The following MYBL2 variants were observed in gnomAD, a reference collection of about 807,000 sequenced individuals.
MYBL2 encodes the protein myb-related protein B.
MYBL2 carries 28 observed loss-of-function variants against 79.9 expected under a neutral mutation model. The observed-to-expected ratio is 0.35, with a 90% CI of 0.26 to 0.48. MYBL2 has a LOEUF of 0.48. MYBL2 is among the 20% of genes least tolerant of loss of function. The pLI, the probability that MYBL2 is intolerant of heterozygous loss-of-function variation, is 0.99. For missense variants in MYBL2, 735 were observed against 893.9 expected (o/e 0.82, Z 2.27); for synonymous variants, 378 against 361.2 (o/e 1.05, Z -0.53).
rs2070235 is a variant in MYBL2, at chr20:43,702,817, A to G, written c.1279A>G (p.Ser427Gly). The G allele has an allele frequency of 0.095, 153,866 of 1,613,968 alleles. 9,204 individuals are homozygous for G. Among genetic ancestry groups the G allele is most frequent in the African/African-American group, 0.28 (20,671 of 74,968 alleles). Residue 427 changes from serine (S) to glycine (G), a missense_variant, in exon 8 of 14, where the codon AGC becomes GGC. By Grantham distance (56) the Ser-to-Gly change is moderately conservative. Around this residue, in one of 5 missense-constraint regions of MYBL2, gnomAD observed 243 missense variants for 327.2 expected, o/e 0.74. Transcript: ENST00000217026. ...RVALSPVTEN[S>G]TSLSFLDSCN... ...GGCTCTGTCCCCTGTCACTGAGAAT[A>G]GCACCAGTCTGTCCTTCCTGGATTC...
At chr20:43,683,315 C>T (rs1987186222) in intron 4 of MYBL2, among the ~76,000 whole-genome samples, 2 of 152,106 alleles carry the variant, frequency 1.3e-5, no homozygotes, top group South Asian at 2.1e-4. Flanking sequence ...TTCTTTTGAT[C>T]GCCACAGCAG....
intron 5 of MYBL2, among the ~76,000 whole-genome samples, chr20:43,690,102 G>A (rs1030082933): frequency 1.3e-5 from 2 of 152,282 alleles, no homozygotes; most frequent in Non-Finnish European, 1.5e-5. Flanking sequence ...GTATGCATGC[G>A]AGGTATGTAC....
rs763947994 is a variant in MYBL2, at chr20:43,716,068, G to A, written c.2084G>A (p.Arg695Gln). The change falls in exon 14 of 14, where the codon CGG becomes CAG. Residue 695 changes from arginine (R) to glutamine (Q), a missense_variant. Coordinates refer to ENST00000217026, the MANE Select transcript of MYBL2 (RefSeq NM_002466.4). ...CGCCTGAAGCCCAGCCACACATCTC[G>A]GACCCTCATCTTGTCCTGAGGTGTT... is the stretch of plus-strand genomic sequence containing the variant. Reference protein sequence around the residue: ...LGRLKPSHTSRTLILS With the variant: ...LGRLKPSHTSQTLILS 8.1e-6 allele frequency: 13 copies of A among 1,608,450 alleles called. No homozygotes were observed. Among genetic ancestry groups the A allele is most frequent in the African/African-American group, 2.7e-5 (2 of 74,846 alleles).
intron 13 of MYBL2, among the ~76,000 whole-genome samples, chr20:43,715,493 T>C (rs1404515877): frequency 6.6e-6 from 1 of 152,230 alleles, no homozygotes; most frequent in Admixed American, 6.5e-5. Flanking sequence ...CAATGCTGCT[T>C]CCTTAGGGGT....
At chr20:43,689,590 G>A (rs1987357843) in intron 5 of MYBL2, among the ~76,000 whole-genome samples, 1 of 152,126 alleles carries the variant, frequency 6.6e-6, no homozygotes, top group Non-Finnish European at 1.5e-5. Context: ...TCTCAGTGGG[G>A]GTGCTATTTC....
At chr20:43,713,276 GTC>G (rs1447384825) in intron 12 of MYBL2, among the ~76,000 whole-genome samples, 170 bp downstream of exon 12, 1 of 152,110 alleles carries the variant, frequency 6.6e-6, no homozygotes, top group Non-Finnish European at 1.5e-5. Context: ...AGCTCTGCTT[GTC>G]TCTCACAGAA....
chr20:43,683,340 C>T (rs1273277511), intron 4 of MYBL2, among the ~76,000 whole-genome samples: 1 of 152,044 alleles, frequency 6.6e-6, no homozygotes, highest in Non-Finnish European at 1.5e-5. Context: ...GTGAGGTGGG[C>T]AGAAGTTGTT....
chr20:43,710,057 C>T lies in MYBL2; in HGVS notation c.1600C>T (p.Pro534Ser). 2 of 1,601,864 alleles carry T rather than the reference C, an allele frequency of 1.2e-6. No individual in the cohort carries two copies. The highest frequency in any genetic ancestry group is 1.7e-6 in the Non-Finnish European group (2 of 1,173,734). ...CCTGGAGAAGTACGGACCCCTGAAGCCCCTGGTACGTGGTGTGGTCGCTGC... is the reference window on the plus strand; with the variant it reads ...CCTGGAGAAGTACGGACCCCTGAAGTCCCTGGTACGTGGTGTGGTCGCTGC... ...NALEKYGPLK[P>S]LPQTPHLEED... The change falls in exon 10 of 14, where the codon CCC (proline) becomes TCC (serine). Residue 534 changes from proline (P) to serine (S), a missense_variant. Around this residue, in one of 5 missense-constraint regions of MYBL2, gnomAD observed 243 missense variants for 327.2 expected, o/e 0.74. Transcript: ENST00000217026.
At chr20:43,670,374 C>T (rs891883207) in intron 1 of MYBL2, among the ~76,000 whole-genome samples, 5 of 152,168 alleles carry the variant, frequency 3.3e-5, no homozygotes, top group Admixed American at 1.3e-4. Flanking sequence ...GGAATGAATT[C>T]CAGATCCTTC....
At chr20:43,711,138 C>A (rs1032481034) in intron 10 of MYBL2, among the ~76,000 whole-genome samples, 1 of 152,072 alleles carries the variant, frequency 6.6e-6, no homozygotes, top group East Asian at 1.9e-4. Context: ...TTTGAGCTGT[C>A]GGGGTCCTAA....
intron 1 of MYBL2, among the ~76,000 whole-genome samples, chr20:43,670,547 C>T (rs1986831588): frequency 6.6e-6 from 1 of 152,092 alleles, no homozygotes; most frequent in Non-Finnish European, 1.5e-5. Flanking sequence ...TTCAGTCAGT[C>T]CCTGGGCAAA....
intron 2 of MYBL2, among the ~76,000 whole-genome samples, chr20:43,678,385 A>G (rs1987066836): frequency 1.3e-5 from 2 of 152,006 alleles, no homozygotes; most frequent in South Asian, 4.1e-4. Flanking sequence ...AGGGCCTTGA[A>G]TGTTGGGCTT....
intron 1 of MYBL2, among the ~76,000 whole-genome samples, chr20:43,669,697 C>T (rs886331160): frequency 8.5e-5 from 13 of 152,174 alleles, no homozygotes; most frequent in South Asian, 6.2e-4. Flanking sequence ...CAGGTGGCCT[C>T]ACCCCTCTGA....
chr20:43,706,636 G>C (rs1257362613), intron 9 of MYBL2, among the ~76,000 whole-genome samples: 1 of 150,666 alleles, frequency 6.6e-6, no homozygotes, highest in Non-Finnish European at 1.5e-5. Context: ...GGAGGCCAAG[G>C]TGGGAGGATC....
At chr20:43,699,637 T>G in intron 6 of MYBL2, 120 bp from the exon 7 acceptor site, 1 of 1,045,802 alleles carries the variant, frequency 9.6e-7, no homozygotes, top group Non-Finnish European at 1.4e-6. Flanking sequence ...CTGTAGAATG[T>G]TTCTCTATTT....
At chr20:43,700,728 T>G (rs1987659507) in intron 7 of MYBL2, among the ~76,000 whole-genome samples, 2 of 152,200 alleles carry the variant, frequency 1.3e-5, no homozygotes, top group African/African-American at 4.8e-5. Context: ...TGCCAGGGTC[T>G]GAGCTTAACA....
chr20:43,688,690 C>A (rs775818829), intron 5 of MYBL2, among the ~76,000 whole-genome samples: 1 of 152,002 alleles, frequency 6.6e-6, no homozygotes, highest in Non-Finnish European at 1.5e-5. Context: ...CCTATGTTGC[C>A]CAGGCTGGTC....
At chr20:43,676,051 C>A (rs552234745) in intron 2 of MYBL2, among the ~76,000 whole-genome samples, 1 of 151,714 alleles carries the variant, frequency 6.6e-6, no homozygotes, top group Non-Finnish European at 1.5e-5. Context: ...ATTACAGGCA[C>A]GTGCCACCAC....
At chr20:43,706,333 G>A (rs192079437) in intron 9 of MYBL2, among the ~76,000 whole-genome samples, 6 of 152,284 alleles carry the variant, frequency 3.9e-5, no homozygotes, top group Admixed American at 3.3e-4. Flanking sequence ...CTGTCTGGAA[G>A]CCTGTACAGG....
Sources: allele counts gnomAD v4.1 joint callset (sites outside exome capture counted in the v4.1 genomes callset), GRCh38; gene constraint gnomAD v4.1.1; regional missense constraint gnomAD v4.1.1; transcripts MANE v1.5; gene names NCBI Gene and HGNC (gene_info 2026-07-23, HGNC 2026-07-21).